The following CTTNBP2 variants were observed in gnomAD, a reference collection of about 807,000 sequenced individuals.
CTTNBP2 encodes the protein cortactin-binding protein 2.
Under a neutral mutation model 156.9 loss-of-function variants are expected in CTTNBP2, and 108 were observed. The ratio of observed to expected loss-of-function variants is 0.69; its 90% CI spans 0.59 to 0.81. The LOEUF is 0.81. CTTNBP2 is among the 30% of genes least tolerant of loss of function. The pLI is 0.00. For synonymous variants in CTTNBP2, 767 were observed against 751.8 expected, an observed-to-expected ratio of 1.02 and a Z score of -0.33; for missense variants, 1,924 against 2,035.4, an observed-to-expected ratio of 0.95 and a Z score of 1.05.
At chr7:117,743,060 C>T (rs1796103443) in intron 14 of CTTNBP2, among the ~76,000 whole-genome samples, 1 of 152,164 alleles carries the variant, frequency 6.6e-6, no homozygotes, top group East Asian at 1.9e-4. Context: ...GTGTGGGAGT[C>T]AAGAGACATG....
rs189944237 is a variant in CTTNBP2, at chr7:117,737,643, G to A, written c.3536-2222C>T. On this transcript the variant is annotated intron_variant, in intron 14 of 22. Transcript: ENST00000160373. ...GGCTGGAGTGCAGTGGCGTGATCTC[G>A]GCTCACTGCAACCTCCACCTCCCGG... Among the ~76,000 whole-genome samples, 37 of 152,114 alleles carry A rather than the reference G, an allele frequency of 2.4e-4. No individual in the cohort carries two copies. In the East Asian group the frequency reaches 6.8e-3, roughly 28 times the overall value.
rs879309776 is a variant in CTTNBP2 at position 117,711,349 on chromosome 7, TAAAAA to T, written c.*183_*187del. On this transcript the variant is annotated 3_prime_UTR_variant, in exon 23 of 23. Transcript: ENST00000160373. ...GTATTGAAGTTCAATCCTACAGAAT[TAAAAA>T]AAAAAGCAACAAAATGTTGGTTATA... 4.2e-5 allele frequency: 23 copies of T among 544,410 alleles called. No homozygotes were observed. The highest frequency in any genetic ancestry group is 1.8e-4 in the African/African-American group (9 of 50,354). The allele number at this position is 544,410 out of a possible 1,614,324, so 33.7% of individuals were successfully genotyped here.
intron 14 of CTTNBP2, among the ~76,000 whole-genome samples, chr7:117,743,667 C>G (rs952584031): frequency 7.0e-6 from 1 of 142,280 alleles, no homozygotes; most frequent in Non-Finnish European, 1.5e-5. Context: ...GAGGCTGAGG[C>G]AGGAGAACCA....
chr7:117,804,249 C>T (rs1799795750), intron 3 of CTTNBP2, among the ~76,000 whole-genome samples: 1 of 152,120 alleles, frequency 6.6e-6, no homozygotes, highest in South Asian at 2.1e-4. Flanking sequence ...AAGTGTGAGC[C>T]ACTGCACCCA....
intron 2 of CTTNBP2, among the ~76,000 whole-genome samples, chr7:117,845,911 C>A (rs181935593): frequency 6.6e-6 from 1 of 151,794 alleles, no homozygotes; most frequent in Non-Finnish European, 1.5e-5. Flanking sequence ...AGTGCAGTGG[C>A]GAGATCTTGG....
chr7:117,721,418 T>C (rs996847598), intron 19 of CTTNBP2, among the ~76,000 whole-genome samples: 4 of 152,246 alleles, frequency 2.6e-5, no homozygotes, highest in African/African-American at 4.8e-5. Context: ...TTCACTTTTA[T>C]GGATGGCCGT....
intron 2 of CTTNBP2, among the ~76,000 whole-genome samples, chr7:117,824,281 G>C (rs1801150003): frequency 6.6e-6 from 1 of 151,280 alleles, no homozygotes; most frequent in Admixed American, 6.6e-5. Flanking sequence ...TGGGCATATA[G>C]CCCTTTTAAT....
Position 117,711,686 on chromosome 7 carries a change from C to G in CTTNBP2, c.4843G>C (p.Val1615Leu). Reference protein sequence around the residue: ...GVSRVKSFLPVPRSKVTQCSQ... With the variant: ...GVSRVKSFLPLPRSKVTQCSQ... ...CACTGGGTGACTTTACTTCTAGGAACAGGAAGAAAAGATTTAACTCTTGAA... is the reference window on the plus strand; with the variant it reads ...CACTGGGTGACTTTACTTCTAGGAAGAGGAAGAAAAGATTTAACTCTTGAA... The change falls in exon 23 of 23, where the codon GTT becomes CTT. Residue 1615 changes from valine (V) to leucine (L), a missense_variant. Val to Leu is a conservative substitution (Grantham distance 32). Coordinates refer to ENST00000160373, the MANE Select transcript of CTTNBP2 (RefSeq NM_033427.3). 2 of 1,613,982 alleles carry G rather than the reference C, an allele frequency of 1.2e-6. No individual in the cohort carries two copies. Among genetic ancestry groups the G allele is most frequent in the Non-Finnish European group, 1.7e-6 (2 of 1,179,956 alleles).
At chr7:117,776,430 CA>C (rs1260933948) in intron 8 of CTTNBP2, among the ~76,000 whole-genome samples, 20 of 152,102 alleles carry the variant, frequency 1.3e-4, no homozygotes, top group African/African-American at 3.6e-4. Flanking sequence ...AAATTAAGAC[CA>C]AACTCCTTGC....
At chr7:117,870,080 T>C (rs1175414972) in intron 1 of CTTNBP2, among the ~76,000 whole-genome samples, 2 of 152,214 alleles carry the variant, frequency 1.3e-5, no homozygotes, top group Admixed American at 6.5e-5. Flanking sequence ...ATCCATCCAC[T>C]AGGGACCCTC....
chr7:117,853,834 C>T (rs1011109454), intron 2 of CTTNBP2, among the ~76,000 whole-genome samples: 3 of 152,130 alleles, frequency 2.0e-5, no homozygotes, highest in African/African-American at 7.2e-5. Context: ...GCAGTTACTT[C>T]ATTTGCTTAT....
intron 8 of CTTNBP2, among the ~76,000 whole-genome samples, chr7:117,772,968 A>G (rs946473103): frequency 6.6e-6 from 1 of 152,354 alleles, no homozygotes; most frequent in African/African-American, 2.4e-5. Context: ...ACTGAACATT[A>G]CAGGGAATGA....
At chr7:117,764,808 T>A (rs548046957) in intron 9 of CTTNBP2, among the ~76,000 whole-genome samples, 1 of 152,360 alleles carries the variant, frequency 6.6e-6, no homozygotes, top group Admixed American at 6.5e-5. Flanking sequence ...TTTTCATATG[T>A]CTCCTGATAC....
Position 117,791,250 on chromosome 7 carries a change from G to A in CTTNBP2, c.1946C>T (p.Pro649Leu). 6.2e-7 allele frequency: 1 copy of A among 1,614,136 alleles called. No individual in the cohort carries two copies. Among genetic ancestry groups the A allele is most frequent in the Non-Finnish European group, 8.5e-7 (1 of 1,179,976 alleles). ...GACAAGGGAACTGTCTGAACATGCA[G>A]GTTGGTTCAGTCCGGGGGTTGCAGC... is the stretch of plus-strand genomic sequence containing the variant. ...WPAATPGLNQ[P>L]ACSDSSLVIP... Residue 649 changes from proline to leucine, a missense_variant, in exon 4 of 23, where the codon CCT becomes CTT. Coordinates refer to ENST00000160373, the MANE Select transcript of CTTNBP2 (RefSeq NM_033427.3).
In CTTNBP2 at chr7:117,728,128, G is replaced by C. The variant is rs1265959911; in HGVS notation, c.4016C>G (p.Ser1339Cys). The change falls in exon 17 of 23, where the codon TCT (serine) becomes TGT (cysteine). Residue 1339 changes from serine to cysteine, a missense_variant. By Grantham distance (112) the Ser-to-Cys change is moderately radical (BLOSUM62 -1). Coordinates refer to ENST00000160373, the MANE Select transcript of CTTNBP2 (RefSeq NM_033427.3). ...GGCATGCCCAGGAACTACAGGACAA[G>C]ACAGGAAATATTTTGGTCCAAGAAG... ...EALLGPKYFL[S>C]CPVVPGHAQV... is the part of the protein sequence containing the mutation. The C allele has an allele frequency of 6.2e-7, 1 of 1,614,174 alleles. No homozygotes were observed. Among genetic ancestry groups the C allele is most frequent in the East Asian group, 2.2e-5 (1 of 44,888 alleles).
rs1317466453 is a variant in CTTNBP2 at position 117,760,548 on chromosome 7, T to C, written c.3059A>G (p.His1020Arg). ...SKAVSQALTN[H>R]FQAISSDGWW... ...TCCATCAGAAGAGATTGCCTGGAAA[T>C]GATTTGTCAGAGCTTGACTCACTGC... The change falls in exon 10 of 23, where the codon CAT becomes CGT. Residue 1020 changes from histidine to arginine, a missense_variant. Coordinates refer to ENST00000160373, the MANE Select transcript of CTTNBP2 (RefSeq NM_033427.3). The C allele has an allele frequency of 2.1e-5, 34 of 1,614,196 alleles. No individual in the cohort carries two copies. Among genetic ancestry groups the C allele is most frequent in the Non-Finnish European group, 2.8e-5 (33 of 1,180,012 alleles).
chr7:117,820,991 T>G (rs558651165), intron 2 of CTTNBP2, among the ~76,000 whole-genome samples: 21 of 152,332 alleles, frequency 1.4e-4, no homozygotes, highest in Non-Finnish European at 2.5e-4. Flanking sequence ...CTTATATTTT[T>G]TATGCTACTG....
chr7:117,747,856 A>T (rs570279534), intron 12 of CTTNBP2, among the ~76,000 whole-genome samples: 1 of 152,284 alleles, frequency 6.6e-6, no homozygotes, highest in East Asian at 1.9e-4. Context: ...AGTGGAGGAA[A>T]GCCAGGCATG....
intron 18 of CTTNBP2, 109 bp from the exon 19 acceptor site, chr7:117,724,841 T>C (rs1795001122): frequency 7.6e-7 from 1 of 1,307,336 alleles, no homozygotes. Context: ...ATTTATTTAG[T>C]ATCCAAGCTG....
Sources: gnomAD v4.1 joint callset for allele counts (sites outside exome capture counted in the v4.1 genomes callset) on GRCh38, gnomAD v4.1.1 for gene constraint, MANE v1.5 for transcripts, NCBI Gene and HGNC (gene_info 2026-07-23, HGNC 2026-07-21) for gene names.